The following IGSF10 variants were observed in gnomAD, a reference collection of about 807,000 sequenced individuals.
IGSF10 encodes the protein immunoglobulin superfamily member 10, also known as calvaria mechanical force protein 608.
Under a neutral mutation model 128.2 loss-of-function variants are expected in IGSF10, and 126 were observed. The observed-to-expected ratio is 0.98, with a 90% CI of 0.85 to 1.14. The LOEUF (loss-of-function observed/expected upper bound fraction) is 1.14, where lower values mean the gene tolerates loss of function less well. Among genes scored for constraint, IGSF10 ranks in the 50% most tolerant of loss-of-function variants. The probability of loss-of-function intolerance (pLI) is 0.00; values close to 1 mark genes in which losing one functional copy is unlikely to be tolerated. For synonymous variants in IGSF10, 1,185 were observed against 1,146.2 expected (o/e 1.03, Z -0.68); for missense variants, 3,295 against 3,149.8 (o/e 1.05, Z -1.10).
the IGSF10 span, among the ~76,000 whole-genome samples, chr3:151,486,593 GA>G: frequency 6.6e-6 from 1 of 152,138 alleles, no homozygotes; most frequent in Non-Finnish European, 1.5e-5. Context: ...AAATGCAAAA[GA>G]ACGGATATCA....
At chr3:151,434,618 C>T (rs1432672869), downstream of IGSF10, 1 of 152,160 alleles carries the variant, frequency 6.6e-6, no homozygotes, top group Non-Finnish European at 1.5e-5. Context: ...AAGTTGTTTT[C>T]TTCAAAGTAA....
rs1195137123 is a variant in IGSF10, at chr3:151,447,638, T to G, written c.2343A>C (p.Pro781=). The change falls in exon 6 of 8, where the codon CCA becomes CCC. Residue 781 remains proline, a synonymous_variant. Transcript: ENST00000282466. ...GTATGTTTGGGAGTTGGGTGACCAC[T>G]GGGGGTGGGCTCACTGTGGTATTTT... ...KRENTTVSPP[P]VVTQLPNIPG... The G allele has an allele frequency of 6.2e-7, 1 of 1,614,140 alleles. No homozygotes were observed.
chr3:151,533,380 A>G, the IGSF10 span, among the ~76,000 whole-genome samples: 1 of 152,170 alleles, frequency 6.6e-6, no homozygotes, highest in Admixed American at 6.6e-5. Context: ...AGAAAGCTGG[A>G]GGCATCACTC....
chr3:151,461,420 C>T (rs936535509), upstream of IGSF10: 251 of 984,780 alleles, frequency 2.5e-4, no homozygotes, highest in Non-Finnish European at 2.9e-4. Flanking sequence ...CGTTAATGAC[C>T]TGTGATACCT....
intron 5 of IGSF10, 60 bp downstream of exon 5, chr3:151,453,324 A>T (rs1721599375): frequency 7.3e-7 from 1 of 1,367,524 alleles, no homozygotes; most frequent in Non-Finnish European, 1.0e-6. Flanking sequence ...TTCCTAATAT[A>T]ATACCTCCAA....
At chr3:151,529,031 C>A in the IGSF10 span, among the ~76,000 whole-genome samples, 1 of 151,984 alleles carries the variant, frequency 6.6e-6, no homozygotes, top group Non-Finnish European at 1.5e-5. Context: ...GGGAGTCCAC[C>A]AATGCTGAGG....
chr3:151,446,928 C>A lies in IGSF10; in HGVS notation c.3053G>T (p.Gly1018Val). ...RRFGRQRKIGGRGRIISPYRT... is the reference protein window; with the variant it reads ...RRFGRQRKIGVRGRIISPYRT... ...ATATGGGCTGATAATCCGCCCCCTT[C>A]CGCCAATTTTCCTCTGCCTCCCAAA... Residue 1018 changes from glycine (G) to valine (V), a missense_variant, in exon 6 of 8, where the codon GGA becomes GTA. Coordinates refer to ENST00000282466, the MANE Select transcript of IGSF10 (RefSeq NM_178822.5). The A allele has an allele frequency of 1.2e-6, 2 of 1,614,178 alleles. No individual in the cohort carries two copies. Among genetic ancestry groups the A allele is most frequent in the Non-Finnish European group, 1.7e-6 (2 of 1,180,020 alleles).
the IGSF10 span, among the ~76,000 whole-genome samples, chr3:151,529,181 GA>G: frequency 1.3e-5 from 2 of 152,076 alleles, no homozygotes; most frequent in East Asian, 1.9e-4. Context: ...GGGCATCTCT[GA>G]AAAAAGAAAG....
At chr3:151,508,373 CT>C in the IGSF10 span, among the ~76,000 whole-genome samples, 1 of 152,036 alleles carries the variant, frequency 6.6e-6, no homozygotes, top group South Asian at 2.1e-4. Flanking sequence ...TTGGTTCTCT[CT>C]TTTGAACAAA....
At chr3:151,606,756 AT>A in the IGSF10 span, among the ~76,000 whole-genome samples, 1 of 152,128 alleles carries the variant, frequency 6.6e-6, no homozygotes, top group Non-Finnish European at 1.5e-5. Flanking sequence ...TGCTTTTCCA[AT>A]TGCTGGTTCC....
chr3:151,437,068 G>C lies in IGSF10; in HGVS notation c.7493C>G (p.Ala2498Gly), dbSNP rs768158073. ...ACAGATATAGTTTCCTCTGTCATAA[G>C]CTGTTGCTTCTTTAATGACTAAGGT... ...NGTLVIKEAT[A>G]YDRGNYICKA... The change falls in exon 8 of 8, where the codon GCT becomes GGT. Residue 2498 changes from alanine to glycine, a missense_variant. Transcript: ENST00000282466. The C allele has an allele frequency of 6.2e-7, 1 of 1,614,158 alleles. No individual in the cohort carries two copies. Among genetic ancestry groups the C allele is most frequent in the Admixed American group, 1.7e-5 (1 of 60,024 alleles).
chr3:151,496,957 G>T, the IGSF10 span, among the ~76,000 whole-genome samples: 5 of 152,070 alleles, frequency 3.3e-5, no homozygotes, highest in South Asian at 2.1e-4. Context: ...TCATGTGTCT[G>T]TTGGCTGCAT....
the IGSF10 span, among the ~76,000 whole-genome samples, chr3:151,508,349 T>A: frequency 6.6e-6 from 1 of 152,150 alleles, no homozygotes; most frequent in South Asian, 2.1e-4. Flanking sequence ...AATACACTAA[T>A]ATAAAAATAA....
At chr3:151,568,331 A>T in the IGSF10 span, among the ~76,000 whole-genome samples, 1 of 152,184 alleles carries the variant, frequency 6.6e-6, no homozygotes, top group Non-Finnish European at 1.5e-5. Context: ...CCTCCTCCAG[A>T]CACTGTGCAA....
chr3:151,448,162 A>C lies in IGSF10; in HGVS notation c.1819T>G (p.Trp607Gly). ...AGCACATTGTTTCCTGGAATAACCCAGCTAATAGAGGCATCTGGGATACCA... is the reference window on the plus strand; with the variant it reads ...AGCACATTGTTTCCTGGAATAACCCCGCTAATAGAGGCATCTGGGATACCA... ...STGIPDASIS[W>G]VIPGNNVLYQ... Residue 607 changes from tryptophan (W) to glycine (G), a missense_variant, in exon 6 of 8, where the codon TGG (tryptophan) becomes GGG (glycine). Trp to Gly is a radical substitution (Grantham distance 184). Coordinates refer to ENST00000282466, the MANE Select transcript of IGSF10 (RefSeq NM_178822.5). The C allele has an allele frequency of 6.2e-7, 1 of 1,614,220 alleles. No individual in the cohort carries two copies. The highest frequency in any genetic ancestry group is 8.5e-7 in the Non-Finnish European group (1 of 1,180,030).
At chr3:151,556,198 A>G in the IGSF10 span, among the ~76,000 whole-genome samples, 1 of 152,188 alleles carries the variant, frequency 6.6e-6, no homozygotes, top group Non-Finnish European at 1.5e-5. Context: ...AATTTTGCCA[A>G]ATGACATGTA....
the IGSF10 span, among the ~76,000 whole-genome samples, chr3:151,589,463 T>C: frequency 5.1e-4 from 77 of 152,174 alleles, no homozygotes; most frequent in Non-Finnish European, 8.5e-4. Flanking sequence ...GGAATCCTTG[T>C]GTGGCCAGGG....
chr3:151,559,214 G>A, the IGSF10 span, among the ~76,000 whole-genome samples: 154 of 152,234 alleles, frequency 1.0e-3, 1 homozygote, highest in Admixed American at 5.4e-3. Context: ...ATTGATCATG[G>A]TATTTTGCCA....
rs140566304 is a variant in IGSF10, at chr3:151,452,116, AATT to A, written c.715+1265_715+1267del. Among the ~76,000 whole-genome samples, 1,327 of 152,316 alleles carry A rather than the reference AATT, an allele frequency of 8.7e-3. 23 individuals are homozygous for A. The highest frequency in any genetic ancestry group is 0.03 in the African/African-American group (1,245 of 41,562). ...GTGACTGACCCATGGGTCTCGTAAA[AATT>A]ATTAAGTCATCTCAGTCAAAAGGAT... On this transcript the variant is annotated intron_variant, in intron 5 of 7. Coordinates refer to ENST00000282466, the MANE Select transcript of IGSF10 (RefSeq NM_178822.5).
Sources: allele counts gnomAD v4.1 joint callset (sites outside exome capture counted in the v4.1 genomes callset), GRCh38; gene constraint gnomAD v4.1.1; transcripts MANE v1.5; gene names NCBI Gene and HGNC (gene_info 2026-07-23, HGNC 2026-07-21).